The following PCDHGA9 variants were observed in gnomAD, a reference collection of about 807,000 sequenced individuals.
PCDHGA9 encodes protocadherin gamma-A9.
PCDHGA9 carries 37 observed loss-of-function variants against 62.5 expected under a neutral mutation model. The ratio of observed to expected loss-of-function variants is 0.59; its 90% CI spans 0.46 to 0.78. PCDHGA9 has a LOEUF of 0.78. Ranked by LOEUF, PCDHGA9 falls within the 30% of genes least tolerant of loss-of-function variation. PCDHGA9 has a pLI of 0.00. For missense variants in PCDHGA9, 1,138 were observed against 1,166.2 expected, an observed-to-expected ratio of 0.98 and a Z score of 0.35; for synonymous variants, 459 against 484.6, an observed-to-expected ratio of 0.95 and a Z score of 0.69.
intron 1 of PCDHGA9, among the ~76,000 whole-genome samples, chr5:141,453,216 C>T (rs565229516): frequency 8.5e-5 from 13 of 152,080 alleles, no homozygotes; most frequent in Non-Finnish European, 1.0e-4. Context: ...TGCACTTAAG[C>T]GATCCTCCCA....
At position 141,485,566 on chromosome 5, in the gene PCDHGA9, C is replaced by T. The variant is rs768144422; in HGVS notation, c.2425-9241C>T. The T allele has an allele frequency of 6.2e-7, 1 of 1,612,926 alleles. No homozygotes were observed. Among genetic ancestry groups the T allele is most frequent in the African/African-American group, 1.3e-5 (1 of 75,016 alleles). ...TCGTAGATGTGAATGATCACGCCCC[C>T]CGTTTTCCGCGGCAGCAGCTGGACT... On this transcript the variant is annotated intron_variant, in intron 1 of 3. Transcript: ENST00000573521. The surrounding 1 kb of genome is among the most constrained non-coding windows in gnomAD (Gnocchi z 5.7).
chr5:141,500,124 A>G (rs1042231430), intron 2 of PCDHGA9, among the ~76,000 whole-genome samples: 2 of 151,656 alleles, frequency 1.3e-5, no homozygotes, highest in African/African-American at 2.4e-5. Flanking sequence ...GCCTTTTCAT[A>G]TATATCTTTC....
rs1372368815 is a variant in PCDHGA9 at position 141,491,370 on chromosome 5, C to T, written c.2425-3437C>T. 3 of 1,614,038 alleles carry T rather than the reference C, an allele frequency of 1.9e-6. No individual in the cohort carries two copies. The highest frequency in any genetic ancestry group is 2.2e-5 in the East Asian group (1 of 44,880). ...GTCTCTTATCCCTAGTCACCTTCAC[C>T]TTTCTGTCAGCGAAGTGCCTTCAGG... On this transcript the variant is annotated intron_variant, in intron 1 of 3. Transcript: ENST00000573521. The surrounding 1 kb of genome is among the most constrained non-coding windows in gnomAD (Gnocchi z 6.9).
At position 141,432,783 on chromosome 5, in the gene PCDHGA9, T is replaced by G; in HGVS notation, c.2424+27407T>G. The G allele has an allele frequency of 6.2e-7, 1 of 1,614,118 alleles. No individual in the cohort carries two copies. On this transcript the variant is annotated intron_variant, in intron 1 of 3. Transcript: ENST00000573521. The surrounding 1 kb of genome is among the most constrained non-coding windows in gnomAD (Gnocchi z 6.0). ...AGCATCCCCCAAGTCCTGGCGGACC[T>G]CGGCAGCCTCGAGTCTCCAGCTAAC...
chr5:141,418,314 C>T, intron 1 of PCDHGA9: 1 of 1,613,988 alleles, frequency 6.2e-7, no homozygotes. Context: ...GGGATGGGAA[C>T]AATTCTTGAG....
chr5:141,504,836 C>A (rs550489904), intron 2 of PCDHGA9, among the ~76,000 whole-genome samples: 2 of 152,200 alleles, frequency 1.3e-5, no homozygotes, highest in East Asian at 3.9e-4. Context: ...TTTTCTCTAG[C>A]TCTGGAACAT....
chr5:141,474,566 G>A (rs2154572064), intron 1 of PCDHGA9, among the ~76,000 whole-genome samples: 1 of 152,336 alleles, frequency 6.6e-6, no homozygotes, highest in Non-Finnish European at 1.5e-5. Flanking sequence ...GGTTTTCAGA[G>A]ATTAATTGAA....
At position 141,477,068 on chromosome 5, in the gene PCDHGA9, C is replaced by A; in HGVS notation, c.2425-17739C>A. 6.2e-7 allele frequency: 1 copy of A among 1,614,268 alleles called. No homozygotes were observed. The highest frequency in any genetic ancestry group is 8.5e-7 in the Non-Finnish European group (1 of 1,180,046). On this transcript the variant is annotated intron_variant, in intron 1 of 3. Transcript: ENST00000573521. This position sits in a 1 kb window ranked among gnomAD's most constrained non-coding sequence, Gnocchi z 4.9. ...GCTGGACTTCGAGGACACCAAACTCCATGAGATTTACATCCAGGCCAAAGA... is the reference window on the plus strand; with the variant it reads ...GCTGGACTTCGAGGACACCAAACTCAATGAGATTTACATCCAGGCCAAAGA...
At chr5:141,498,679 C>G (rs1454800332) in intron 2 of PCDHGA9, among the ~76,000 whole-genome samples, 1 of 152,170 alleles carries the variant, frequency 6.6e-6, no homozygotes, top group Admixed American at 6.5e-5. Flanking sequence ...CGCCTGTAAT[C>G]CCAGCACTTT....
At chr5:141,470,034 C>T (rs1209263598) in intron 1 of PCDHGA9, among the ~76,000 whole-genome samples, 2 of 152,086 alleles carry the variant, frequency 1.3e-5, no homozygotes, top group Non-Finnish European at 2.9e-5. Flanking sequence ...GATGCTGAGG[C>T]GCGAGAACTG....
At chr5:141,450,626 A>G (rs1474729472) in intron 1 of PCDHGA9, among the ~76,000 whole-genome samples, 1 of 151,438 alleles carries the variant, frequency 6.6e-6, no homozygotes, top group East Asian at 2.0e-4. Context: ...AGCTGGGATT[A>G]CAGATGCCTG....
chr5:141,476,205 C>G lies in PCDHGA9; in HGVS notation c.2425-18602C>G. ...CTGCTTGGTGCCTTGAACAAGGCTT[C>G]CACGGTCATTCACTATGAGATCCCG... On this transcript the variant is annotated intron_variant, in intron 1 of 3. Transcript: ENST00000573521. The surrounding 1 kb of genome is among the most constrained non-coding windows in gnomAD (Gnocchi z 7.6). 1 of 1,613,892 alleles carries G rather than the reference C, an allele frequency of 6.2e-7. No homozygotes were observed. Among genetic ancestry groups the G allele is most frequent in the Non-Finnish European group, 8.5e-7 (1 of 1,180,012 alleles).
At chr5:141,465,779 G>GTT (rs879859429) in intron 1 of PCDHGA9, among the ~76,000 whole-genome samples, 3 of 145,118 alleles carry the variant, frequency 2.1e-5, no homozygotes, top group Non-Finnish European at 3.0e-5. Context: ...TCTTGTTACA[G>GTT]TTTTTTTTTT....
At chr5:141,484,399 CCGCTGTGTCT>C (rs1488164183) in intron 1 of PCDHGA9, among the ~76,000 whole-genome samples, 4 of 152,186 alleles carry the variant, frequency 2.6e-5, no homozygotes, top group Non-Finnish European at 4.4e-5. Context: ...GGTTTGGTTT[CCGCTGTGTCT>C]CCTGTTACAA....
In PCDHGA9 at chr5:141,477,362, G is replaced by T. The variant is rs920445601; in HGVS notation, c.2425-17445G>T. 6.2e-7 allele frequency: 1 copy of T among 1,614,142 alleles called. No individual in the cohort carries two copies. The highest frequency in any genetic ancestry group is 1.3e-5 in the African/African-American group (1 of 75,022). On this transcript the variant is annotated intron_variant, in intron 1 of 3. Coordinates refer to ENST00000573521, the MANE Select transcript of PCDHGA9 (RefSeq NM_018921.3). The surrounding 1 kb of genome is among the most constrained non-coding windows in gnomAD (Gnocchi z 4.9). ...CACTTTGAAAACCAGTGCAGACCTG[G>T]ATCGGGAGACTGTGCCAGAATACAA...
chr5:141,409,904 G>T lies in PCDHGA9; in HGVS notation c.2424+4528G>T, dbSNP rs757396196. 10 of 1,613,278 alleles carry T rather than the reference G, an allele frequency of 6.2e-6. No homozygotes were observed. The South Asian group carries it at 1.1e-4, about 18-fold the overall frequency. On this transcript the variant is annotated intron_variant, in intron 1 of 3. Coordinates refer to ENST00000573521, the MANE Select transcript of PCDHGA9 (RefSeq NM_018921.3). ...ACCGCGGGTGCTGTACCCAGCTCTGGGTCCTGACGGCTCCGCGTTCTTCGA... is the reference window on the plus strand; with the variant it reads ...ACCGCGGGTGCTGTACCCAGCTCTGTGTCCTGACGGCTCCGCGTTCTTCGA...
Position 141,476,187 on chromosome 5 carries a change from G to A in PCDHGA9, c.2425-18620G>A. 6.2e-7 allele frequency: 1 copy of A among 1,613,782 alleles called. No individual in the cohort carries two copies. The highest frequency in any genetic ancestry group is 1.1e-5 in the South Asian group (1 of 91,072). ...GTAGTGGGAGTTTTGCTTCTGCTTG[G>A]TGCCTTGAACAAGGCTTCCACGGTC... On this transcript the variant is annotated intron_variant, in intron 1 of 3. Coordinates refer to ENST00000573521, the MANE Select transcript of PCDHGA9 (RefSeq NM_018921.3). This position sits in a 1 kb window ranked among gnomAD's most constrained non-coding sequence, Gnocchi z 7.6.
chr5:141,458,609 A>T (rs1037852455), intron 1 of PCDHGA9, among the ~76,000 whole-genome samples: 1 of 152,004 alleles, frequency 6.6e-6, no homozygotes, highest in Non-Finnish European at 1.5e-5. Flanking sequence ...TCACTCTGTC[A>T]GCCAGGCTGG....
At position 141,486,602 on chromosome 5, in the gene PCDHGA9, C is replaced by T; in HGVS notation, c.2425-8205C>T. The stretch of plus-strand genomic sequence containing the variant: ...TCGCCCAGGGGACCTGCTTTGCTCC[C>T]TTGCAGCCTCTGACCCAGACTCTGG... On this transcript the variant is annotated intron_variant, in intron 1 of 3. Transcript: ENST00000573521. The surrounding 1 kb of genome is among the most constrained non-coding windows in gnomAD (Gnocchi z 5.0). 6.2e-7 allele frequency: 1 copy of T among 1,613,572 alleles called. No homozygotes were observed. Among genetic ancestry groups the T allele is most frequent in the Non-Finnish European group, 8.5e-7 (1 of 1,180,026 alleles).
Sources: gnomAD v4.1 joint callset for allele counts (sites outside exome capture counted in the v4.1 genomes callset) on GRCh38, gnomAD v4.1.1 for gene constraint, Gnocchi (gnomAD v3.1) non-coding constraint, MANE v1.5 for transcripts, NCBI Gene and HGNC (gene_info 2026-07-23, HGNC 2026-07-21) for gene names.